Variants in GPI observed in about 807,000 individuals in gnomAD.
GPI encodes glucose-6-phosphate isomerase, also known as D-hexose-6-phosphate anomerase.
A neutral mutation model predicts 75.8 loss-of-function variants in GPI; 56 were observed. The ratio of observed to expected loss-of-function variants is 0.74; its 90% CI spans 0.60 to 0.92. GPI has a LOEUF of 0.92. GPI is among the 40% of genes least tolerant of loss of function. The probability of loss-of-function intolerance (pLI) is 0.00; values close to 1 mark genes in which losing one functional copy is unlikely to be tolerated. For synonymous variants in GPI, 288 were observed against 285.4 expected (o/e 1.01, Z -0.09); for missense variants, 638 against 741.0 (o/e 0.86, Z 1.61).
At chr19:34,391,963 G>A (rs1306884726) in intron 9 of GPI, among the ~76,000 whole-genome samples, 3 of 404 alleles carry the variant, frequency 7.4e-3, no homozygotes, top group African/African-American at 0.018. Context: ...GCATGAGTAT[G>A]AGGATTTGGT....
chr19:34,365,690 G>C, intron 1 of GPI: 2 of 570,850 alleles, frequency 3.5e-6, no homozygotes, highest in Non-Finnish European at 6.6e-6. Context: ...CATTTGAGCA[G>C]GGGCTCCTTT....
chr19:34,387,669 C>T (rs928281415), intron 9 of GPI, among the ~76,000 whole-genome samples: 23 of 152,098 alleles, frequency 1.5e-4, no homozygotes, highest in Non-Finnish European at 1.6e-4. Context: ...GGCACTGAGT[C>T]TGTGGATTCA....
chr19:34,369,216 T>C (rs1182210557), intron 4 of GPI, among the ~76,000 whole-genome samples: 1 of 151,926 alleles, frequency 6.6e-6, no homozygotes, highest in South Asian at 2.1e-4. Context: ...GCTCAGCTAA[T>C]TTTTGTATTT....
At chr19:34,386,378 C>T (rs565475911) in intron 9 of GPI, among the ~76,000 whole-genome samples, 2 of 151,930 alleles carry the variant, frequency 1.3e-5, no homozygotes, top group South Asian at 4.2e-4. Flanking sequence ...TCTGAGAACC[C>T]AGGGTCAAGC....
intron 4 of GPI, among the ~76,000 whole-genome samples, chr19:34,376,584 T>G (rs902270219): frequency 4.8e-5 from 7 of 146,874 alleles, no homozygotes; most frequent in Non-Finnish European, 1.0e-4. Context: ...AAAAAAAGGC[T>G]AAAGCAGAGC....
chr19:34,390,334 A>T (rs1188776629), intron 9 of GPI, among the ~76,000 whole-genome samples: 1 of 151,848 alleles, frequency 6.6e-6, no homozygotes, highest in African/African-American at 2.4e-5. Flanking sequence ...CAAGTGTAGC[A>T]GAGAGCTGCT....
At chr19:34,366,297 C>G (rs771274643) in intron 1 of GPI, 48 bp from the exon 2 acceptor site, 8 of 1,232,774 alleles carry the variant, frequency 6.5e-6, no homozygotes, top group Non-Finnish European at 7.2e-6. Context: ...CATGGCTCCC[C>G]GCTAGGGAGA....
chr19:34,366,078 G>C (rs1227073336), intron 1 of GPI: 3 of 671,518 alleles, frequency 4.5e-6, no homozygotes, highest in Admixed American at 4.1e-5. Context: ...CCCTGGGAAG[G>C]GGTGGTCCCC....
intron 9 of GPI, among the ~76,000 whole-genome samples, chr19:34,391,214 A>C (rs939957414): frequency 2.6e-5 from 1 of 38,926 alleles, no homozygotes; most frequent in Admixed American, 3.9e-4. Flanking sequence ...TACAAGTATG[A>C]GGATCTGTGT....
rs2074372862 is a variant in GPI, at chr19:34,366,795, G to C, written c.226G>C (p.Gly76Arg). 6.2e-7 allele frequency: 1 copy of C among 1,613,176 alleles called. No individual in the cohort carries two copies. The highest frequency in any genetic ancestry group is 8.5e-7 in the Non-Finnish European group (1 of 1,179,734). The stretch of plus-strand genomic sequence containing the variant: ...CGTCTCTTCCTAGGCCAAGTCCAGG[G>C]GCGTGGAGGCCGCCCGGGAGCGGAT... ...RMLVDLAKSR[G>R]VEAARERMFN... Residue 76 changes from glycine to arginine, a missense_variant, in exon 3 of 18, where the codon GGC becomes CGC. Physicochemically the swap from Gly to Arg is moderately radical, Grantham distance 125. Coordinates refer to ENST00000356487, the MANE Select transcript of GPI (RefSeq NM_000175.5).
intron 9 of GPI, 102 bp downstream of exon 9, chr19:34,381,621 C>A (rs1568337389): frequency 1.2e-6 from 1 of 852,172 alleles, no homozygotes; most frequent in Non-Finnish European, 2.1e-6. Context: ...TGAGTACCTG[C>A]TGCATACCTA....
intron 12 of GPI, among the ~76,000 whole-genome samples, chr19:34,395,207 G>C (rs1274004635): frequency 1.3e-5 from 2 of 152,094 alleles, no homozygotes; most frequent in East Asian, 3.9e-4. Context: ...CCAAAGCCTA[G>C]CATTTAGTTG....
upstream of GPI, chr19:34,364,630 G>C (rs758588944): frequency 8.2e-6 from 2 of 244,896 alleles, no homozygotes; most frequent in Non-Finnish European, 1.6e-5. Flanking sequence ...CGCCTGCCTC[G>C]GCCTCCCAAA....
At chr19:34,382,419 C>A (rs564603904) in intron 9 of GPI, among the ~76,000 whole-genome samples, 322 of 152,264 alleles carry the variant, frequency 2.1e-3, no homozygotes, top group African/African-American at 7.3e-3. Flanking sequence ...AAGCCCTAAT[C>A]CCTTAAGCCA....
chr19:34,398,985 G>A (rs1275810547), intron 14 of GPI: 11 of 430,098 alleles, frequency 2.6e-5, no homozygotes, highest in Non-Finnish European at 3.5e-5. Context: ...GATTACAGGC[G>A]TGAGCCACCG....
chr19:34,366,990 C>T (rs1568325231), intron 3 of GPI, 139 bp downstream of exon 3: 1 of 739,362 alleles, frequency 1.4e-6, no homozygotes, highest in Non-Finnish European at 2.4e-6. Flanking sequence ...AGGCCTTTTT[C>T]CTCCTGCTTG....
intron 9 of GPI, among the ~76,000 whole-genome samples, chr19:34,389,765 A>T (rs1215136868): frequency 6.6e-6 from 1 of 152,104 alleles, no homozygotes; most frequent in African/African-American, 2.4e-5. Context: ...TTCCTTTTAT[A>T]AGTGGCCTCA....
chr19:34,365,616 T>C (rs1403162089), intron 1 of GPI: 5 of 749,180 alleles, frequency 6.7e-6, no homozygotes, highest in Non-Finnish European at 1.1e-5. Flanking sequence ...GTCTGCTTCG[T>C]TACGAGGAAA....
At chr19:34,383,068 C>T (rs1029872243) in intron 9 of GPI, among the ~76,000 whole-genome samples, 4 of 152,144 alleles carry the variant, frequency 2.6e-5, no homozygotes, top group African/African-American at 9.7e-5. Context: ...AGAAGAGTCC[C>T]GTCTGGTAGG....
Sources: allele counts gnomAD v4.1 joint callset (sites outside exome capture counted in the v4.1 genomes callset), GRCh38; gene constraint gnomAD v4.1.1; transcripts MANE v1.5; gene names NCBI Gene and HGNC (gene_info 2026-07-23, HGNC 2026-07-21).